Variants in ST8SIA1 observed in about 807,000 individuals in gnomAD.
ST8SIA1 encodes the protein ST8 alpha-N-acetyl-neuraminide alpha-2,8-sialyltransferase 1, also known as alpha-N-acetylneuraminide alpha-2,8-sialyltransferase.
ST8SIA1 carries 16 observed loss-of-function variants against 35.9 expected under a neutral mutation model. The ratio of observed to expected loss-of-function variants is 0.45; its 90% CI spans 0.30 to 0.68. The LOEUF (loss-of-function observed/expected upper bound fraction) is 0.68, where lower values mean the gene tolerates loss of function less well. Among genes scored for constraint, ST8SIA1 ranks in the 30% least tolerant of loss-of-function variants. The probability of loss-of-function intolerance (pLI) is 0.09; values close to 1 mark genes in which losing one functional copy is unlikely to be tolerated. For missense variants in ST8SIA1, 383 were observed against 453.6 expected, an observed-to-expected ratio of 0.84 and a Z score of 1.41; for synonymous variants, 170 against 169.6, an observed-to-expected ratio of 1.00 and a Z score of -0.02.
intron 2 of ST8SIA1, among the ~76,000 whole-genome samples, chr12:22,284,398 T>C (rs1464520282): frequency 6.6e-6 from 1 of 152,210 alleles, no homozygotes; most frequent in East Asian, 1.9e-4. Flanking sequence ...CACACGCTAT[T>C]TTCTTCCCAC....
intron 2 of ST8SIA1, among the ~76,000 whole-genome samples, chr12:22,273,706 T>C (rs911321501): frequency 1.3e-5 from 2 of 152,172 alleles, no homozygotes; most frequent in African/African-American, 4.8e-5. Context: ...TACACCAGGA[T>C]ACACTTGGTG....
rs1026574948 is a variant in ST8SIA1 at position 22,197,616 on chromosome 12, G to A, written c.*3936C>T. 1.3e-5 allele frequency: 2 copies of A among 152,128 alleles called. No individual in the cohort carries two copies. The highest frequency in any genetic ancestry group is 2.9e-5 in the Non-Finnish European group (2 of 68,020). The allele number at this position is 152,128 out of a possible 1,614,324, so 9.4% of individuals were successfully genotyped here. A position where few individuals can be genotyped will look rare whatever the true frequency, so the allele number is the denominator to read the frequency against. On this transcript the variant is annotated 3_prime_UTR_variant, in exon 5 of 5. Coordinates refer to ENST00000396037, the MANE Select transcript of ST8SIA1 (RefSeq NM_003034.4). ...ATTTTGGATCATCTATAACACTCTT[G>A]TAAAGCCTTTGACTAATCCAAGGGT...
chr12:22,318,027 A>C (rs944333299), intron 1 of ST8SIA1, among the ~76,000 whole-genome samples: 10 of 152,228 alleles, frequency 6.6e-5, no homozygotes, highest in Admixed American at 2.6e-4. Context: ...TAAATAATGA[A>C]TTATACTCTA....
intron 3 of ST8SIA1, among the ~76,000 whole-genome samples, chr12:22,249,549 G>C (rs1452201756): frequency 6.6e-6 from 1 of 152,012 alleles, no homozygotes; most frequent in Non-Finnish European, 1.5e-5. Context: ...GTTTTGTTTT[G>C]TTTTGTTTTT....
Position 22,198,940 on chromosome 12 carries a change from G to A in ST8SIA1, c.*2612C>T, listed in dbSNP as rs369422589. On this transcript the variant is annotated 3_prime_UTR_variant, in exon 5 of 5. Transcript: ENST00000396037. ...CTCTGGTCTCCAGACATTGCCAAATGTCACCAGAGAGGGATAATGAATCAC... is the reference window on the plus strand; with the variant it reads ...CTCTGGTCTCCAGACATTGCCAAATATCACCAGAGAGGGATAATGAATCAC... 2 of 152,072 alleles carry A rather than the reference G, an allele frequency of 1.3e-5. No homozygotes were observed. The highest frequency in any genetic ancestry group is 3.9e-4 in the East Asian group (2 of 5,182). 9.4% of individuals were successfully genotyped at this position (152,072 alleles called of 1,614,324 possible). A position where few individuals can be genotyped will look rare whatever the true frequency, so the allele number is the denominator to read the frequency against.
chr12:22,279,471 T>A (rs999789090), intron 2 of ST8SIA1, among the ~76,000 whole-genome samples: 3 of 152,086 alleles, frequency 2.0e-5, no homozygotes, highest in Non-Finnish European at 4.4e-5. Context: ...AAATGATCAG[T>A]TCCCAAACCT....
chr12:22,256,557 T>C (rs1865730292), intron 2 of ST8SIA1, among the ~76,000 whole-genome samples: 1 of 152,040 alleles, frequency 6.6e-6, no homozygotes, highest in African/African-American at 2.4e-5. Context: ...AAAGAACAAA[T>C]CCAATAAGTA....
intron 1 of ST8SIA1, among the ~76,000 whole-genome samples, chr12:22,301,366 TA>T: frequency 6.6e-6 from 1 of 152,098 alleles, no homozygotes; most frequent in African/African-American, 2.4e-5. Context: ...ACTGGAGTAA[TA>T]TTTTTGACTT....
At chr12:22,310,571 G>A (rs1262409384) in intron 1 of ST8SIA1, among the ~76,000 whole-genome samples, 3 of 152,148 alleles carry the variant, frequency 2.0e-5, no homozygotes, top group African/African-American at 7.2e-5. Context: ...AAGAGAAGCT[G>A]CATCTATGCT....
In ST8SIA1 at chr12:22,195,209, A is replaced by AAAAAAAAG. The variant is rs1555151635; in HGVS notation, c.*6342_*6343insCTTTTTTT. On this transcript the variant is annotated 3_prime_UTR_variant, in exon 5 of 5. Transcript: ENST00000396037. ...TCAACAAAAAAAAAAAAAAAAAAAAAAAAGAAAGAAAGAAAGAAAGGAAAA... is the reference window on the plus strand; with the variant it reads ...TCAACAAAAAAAAAAAAAAAAAAAAAAAAAAAAGAAAGAAAGAAAGAAAGAAAGGAAAA... 6.7e-6 allele frequency: 1 copy of AAAAAAAAG among 148,646 alleles called. No individual in the cohort carries two copies. The highest frequency in any genetic ancestry group is 1.5e-5 in the Non-Finnish European group (1 of 67,686). 9.2% of individuals were successfully genotyped at this position (148,646 alleles called of 1,614,324 possible). A position where few individuals can be genotyped will look rare whatever the true frequency, so the allele number is the denominator to read the frequency against.
rs149429412 is a variant in ST8SIA1 at position 22,333,237 on chromosome 12, C to T, written c.236+760G>A. Among the ~76,000 whole-genome samples the T allele has an allele frequency of 4.5e-3, 686 of 152,288 alleles. 6 individuals are homozygous for T. The highest frequency in any genetic ancestry group is 0.016 in the African/African-American group (659 of 41,546). ...TGACTTCAGGTGCCTACTTAAAGTACATCTCCCATCTTCCAGAGGCATCCA... is the reference window on the plus strand; with the variant it reads ...TGACTTCAGGTGCCTACTTAAAGTATATCTCCCATCTTCCAGAGGCATCCA... On this transcript the variant is annotated intron_variant, in intron 1 of 4. Coordinates refer to ENST00000396037, the MANE Select transcript of ST8SIA1 (RefSeq NM_003034.4).
intron 1 of ST8SIA1, among the ~76,000 whole-genome samples, chr12:22,297,522 A>T (rs1454447638): frequency 6.6e-6 from 1 of 152,092 alleles, no homozygotes; most frequent in Non-Finnish European, 1.5e-5. Context: ...ATTTTCACAG[A>T]ATGGAATTCC....
chr12:22,230,909 T>TA (rs112934864), intron 4 of ST8SIA1, among the ~76,000 whole-genome samples: 7,433 of 152,036 alleles, frequency 0.049, 374 homozygotes, highest in South Asian at 0.17. Context: ...CATTTATCTT[T>TA]AATAAACATT....
chr12:22,334,233 CGCA>C lies in ST8SIA1; in HGVS notation c.-4_-2del. The C allele has an allele frequency of 6.2e-7, 1 of 1,609,380 alleles. No homozygotes were observed. The highest frequency in any genetic ancestry group is 8.5e-7 in the Non-Finnish European group (1 of 1,177,906). ...GCCGGGCCCGCCCGCAGGGGCTCAT[CGCA>C]GCCCCGGCGTCCCAGGGGCGGGGGC... On this transcript the variant is annotated 5_prime_UTR_variant, in exon 1 of 5. Transcript: ENST00000396037.
Position 22,201,786 on chromosome 12 carries a change from C to G in ST8SIA1, c.837G>C (p.Leu279=), listed in dbSNP as rs143270094. The G allele has an allele frequency of 2.5e-6, 4 of 1,614,038 alleles. No homozygotes were observed. The African/African-American group carries it at 5.3e-5, about 22-fold the overall frequency. Residue 279 remains leucine, a synonymous_variant, in exon 5 of 5, where the codon CTG becomes CTC. Coordinates refer to ENST00000396037, the MANE Select transcript of ST8SIA1 (RefSeq NM_003034.4). ...HAKRLSTGLF[L]VSAALGLCEE... Reference sequence around the variant, plus strand: ...CACAGAGACCCAGAGCTGCGCTCACCAGAAAAAGTCCTGTGGACAGGCGCT... The same window carrying G: ...CACAGAGACCCAGAGCTGCGCTCACGAGAAAAAGTCCTGTGGACAGGCGCT...
At chr12:22,333,666 G>A (rs1866798210) in intron 1 of ST8SIA1, among the ~76,000 whole-genome samples, 1 of 152,234 alleles carries the variant, frequency 6.6e-6, no homozygotes, top group Admixed American at 6.5e-5. Flanking sequence ...TTCTTATTAA[G>A]TGCAAGAGAC....
intron 4 of ST8SIA1, chr12:22,223,502 C>T (rs1291219232): frequency 1.0e-6 from 1 of 1,000,142 alleles, no homozygotes; most frequent in East Asian, 1.1e-4. Flanking sequence ...GCTGGCGCAG[C>T]CAATGTCATG....
In ST8SIA1 at chr12:22,198,595, G is replaced by A. The variant is rs12308957; in HGVS notation, c.*2957C>T. On this transcript the variant is annotated 3_prime_UTR_variant, in exon 5 of 5. Coordinates refer to ENST00000396037, the MANE Select transcript of ST8SIA1 (RefSeq NM_003034.4). ...CCTATCTAACCAATTATGTCCAAAA[G>A]GCATATGTATGGTGTATCTAGTGAG... 0.052 allele frequency: 7,790 copies of A among 149,402 alleles called. 229 individuals carry two copies. The highest frequency in any genetic ancestry group is 0.11 in the Middle Eastern group (31 of 294). 9.3% of individuals were successfully genotyped at this position (149,402 alleles called of 1,614,324 possible). A position where few individuals can be genotyped will look rare whatever the true frequency, so the allele number is the denominator to read the frequency against.
At chr12:22,237,376 T>C (rs1189144877) in intron 4 of ST8SIA1, among the ~76,000 whole-genome samples, 2 of 152,186 alleles carry the variant, frequency 1.3e-5, no homozygotes, top group Non-Finnish European at 2.9e-5. Context: ...AGAGCTGGGA[T>C]TGCAGGTGTG....
Sources: allele counts gnomAD v4.1 joint callset (sites outside exome capture counted in the v4.1 genomes callset), GRCh38; gene constraint gnomAD v4.1.1; transcripts MANE v1.5; gene names NCBI Gene and HGNC (gene_info 2026-07-23, HGNC 2026-07-21).